The following DCAF4 variants were observed in gnomAD, a reference collection of about 807,000 sequenced individuals.
The protein encoded by DCAF4 is DDB1 and CUL4 associated factor 4, also known as DDB1- and CUL4-associated factor 4.
A neutral mutation model predicts 60.9 loss-of-function variants in DCAF4; 37 were observed. The ratio of observed to expected loss-of-function variants is 0.61; its 90% CI spans 0.47 to 0.80. The LOEUF (loss-of-function observed/expected upper bound fraction) is 0.80. DCAF4 is among the 30% of genes least tolerant of loss of function. DCAF4 has a pLI of 0.00. For synonymous variants in DCAF4, 243 were observed against 254.8 expected (o/e 0.95, Z 0.44); for missense variants, 577 against 650.0 (o/e 0.89, Z 1.22).
At position 72,951,808 on chromosome 14, in the gene DCAF4, A is replaced by T. The variant is rs768864757; in HGVS notation, c.739A>T (p.Met247Leu). The T allele has an allele frequency of 1.5e-5, 24 of 1,613,986 alleles. No individual in the cohort carries two copies. Among genetic ancestry groups the T allele is most frequent in the Non-Finnish European group, 2.0e-5 (24 of 1,180,020 alleles). Residue 247 changes from methionine to leucine, a missense_variant, in exon 9 of 14, where the codon ATG becomes TTG. Coordinates refer to ENST00000358377, the MANE Select transcript of DCAF4 (RefSeq NM_015604.4). Reference sequence around the variant, plus strand: ...AACAGCTTTTTCCAGGCTATGCCTCATGGGACTCGCAGAGACTCCAGGCTG... The same window carrying T: ...AACAGCTTTTTCCAGGCTATGCCTCTTGGGACTCGCAGAGACTCCAGGCTG... ...HLDSHILLCL[M>L]GLAETPGCAT...
chr14:72,932,400 T>C (rs1888694921), intron 1 of DCAF4, among the ~76,000 whole-genome samples: 1 of 152,266 alleles, frequency 6.6e-6, no homozygotes, highest in South Asian at 2.1e-4. Context: ...ATCATTTTTG[T>C]AGGAGCAGTT....
chr14:72,956,231 C>T (rs1447369801), intron 12 of DCAF4, among the ~76,000 whole-genome samples, 155 bp from the exon 13 acceptor site: 2 of 151,996 alleles, frequency 1.3e-5, no homozygotes, highest in African/African-American at 4.8e-5. Flanking sequence ...TGGTTACATG[C>T]TTTTGATGAA....
intron 11 of DCAF4, 23 bp from the exon 12 acceptor site, chr14:72,955,500 C>T (rs1433985953): frequency 2.5e-6 from 4 of 1,608,780 alleles, no homozygotes; most frequent in African/African-American, 2.7e-5. Context: ...TAGCCAGGCA[C>T]TGAGCAGTCC....
In DCAF4 at chr14:72,940,393, C is replaced by T; in HGVS notation, c.351+16C>T. The T allele has an allele frequency of 6.2e-7, 1 of 1,600,736 alleles. No individual in the cohort carries two copies. The highest frequency in any genetic ancestry group is 8.5e-7 in the Non-Finnish European group (1 of 1,176,094). ...ACGGAAAAAGGTGGGCTCCTCACCC[C>T]TTCGCCCCCTGTCCTCTCCGCTCCT... On this transcript the variant is annotated intron_variant, in intron 4 of 13. Coordinates refer to ENST00000358377, the MANE Select transcript of DCAF4 (RefSeq NM_015604.4).
intron 13 of DCAF4, chr14:72,958,219 G>T: frequency 3.8e-6 from 1 of 263,900 alleles, no homozygotes; most frequent in Non-Finnish European, 7.3e-6. Flanking sequence ...GCTGCAGTGA[G>T]CCCTGATCAC....
intron 8 of DCAF4, among the ~76,000 whole-genome samples, chr14:72,949,536 C>T (rs1304833948): frequency 2.0e-5 from 3 of 152,134 alleles, no homozygotes; most frequent in Non-Finnish European, 4.4e-5. Context: ...AGGCGGATCA[C>T]TTGAGGTCAG....
chr14:72,953,960 G>A (rs1422210134), intron 9 of DCAF4, among the ~76,000 whole-genome samples: 2 of 151,370 alleles, frequency 1.3e-5, no homozygotes, highest in African/African-American at 4.9e-5. Flanking sequence ...TACTGGGAAC[G>A]TTAACAAAGA....
chr14:72,955,527 C>A lies in DCAF4; in HGVS notation c.1010C>A (p.Pro337His), dbSNP rs866217761. Reference protein sequence around the residue: ...VLAQQFALMAPLLFNGCRSGE... With the variant: ...VLAQQFALMAHLLFNGCRSGE... The stretch of plus-strand genomic sequence containing the variant: ...GAGCAGTCCCTCTTTCCACAGGCTC[C>A]TCTGCTGTTTAATGGCTGCCGCTCT... Residue 337 changes from proline (P) to histidine (H), a missense_variant, in exon 12 of 14, where the codon CCT becomes CAT. By Grantham distance (77) the Pro-to-His change is moderately conservative (BLOSUM62 -2). Transcript: ENST00000358377. 1 of 1,613,712 alleles carries A rather than the reference C, an allele frequency of 6.2e-7. No homozygotes were observed.
At chr14:72,940,072 G>A in intron 3 of DCAF4, 148 bp from the exon 4 acceptor site, 1 of 1,245,858 alleles carries the variant, frequency 8.0e-7, no homozygotes, top group South Asian at 1.3e-5. Context: ...ACTGAGCACA[G>A]TCCAGGATGT....
chr14:72,957,252 T>TA (rs1197909367), intron 13 of DCAF4: 4 of 152,326 alleles, frequency 2.6e-5, no homozygotes, highest in African/African-American at 9.6e-5. Flanking sequence ...GCCCCTTTAC[T>TA]ACCATCCCTG....
intron 1 of DCAF4, among the ~76,000 whole-genome samples, chr14:72,931,263 C>CTTTTTTTTTTTTTTTTTTTTTTTTTTT (rs370127536): frequency 7.9e-6 from 1 of 126,800 alleles, no homozygotes; most frequent in Non-Finnish European, 1.6e-5. Context: ...TACTTTTTCT[C>CTTTTTTTTTTTTTTTTTTTTTTTTTTT]TTTTTTTTTT....
intron 6 of DCAF4, among the ~76,000 whole-genome samples, chr14:72,945,110 G>A (rs1416924454): frequency 2.6e-5 from 4 of 151,646 alleles, no homozygotes; most frequent in African/African-American, 9.7e-5. Flanking sequence ...CCCACATCCT[G>A]AGCGAGGCAT....
chr14:72,935,507 G>A (rs1349102207), intron 1 of DCAF4, among the ~76,000 whole-genome samples: 13 of 152,160 alleles, frequency 8.5e-5, no homozygotes, highest in African/African-American at 2.7e-4. Flanking sequence ...CACCCGCATC[G>A]GCCTCCCAAA....
chr14:72,958,518 G>A (rs1174679023), intron 13 of DCAF4, 94 bp from the exon 14 acceptor site: 2 of 1,445,798 alleles, frequency 1.4e-6, no homozygotes, highest in East Asian at 4.6e-5. Flanking sequence ...TGAAATCACA[G>A]CCCTGAGGAA....
chr14:72,936,708 A>AG lies in DCAF4; in HGVS notation c.-8-1262dup, dbSNP rs544827442. Among the ~76,000 whole-genome samples the AG allele has an allele frequency of 6.6e-5, 10 of 152,296 alleles. No individual in the cohort carries two copies. The South Asian group carries it at 2.1e-3, about 32-fold the overall frequency. On this transcript the variant is annotated intron_variant, in intron 1 of 13. Transcript: ENST00000358377. ...ACTTTTGAACCTGTTGGGTCTGTGGAGATAGACACGAAGCAGCATAGGAAC... is the reference window on the plus strand; with the variant it reads ...ACTTTTGAACCTGTTGGGTCTGTGGAGGATAGACACGAAGCAGCATAGGAAC...
At chr14:72,958,112 CA>C (rs1220489760) in intron 13 of DCAF4, 4,405 of 149,886 alleles carry the variant, frequency 0.029, 32 homozygotes, top group Admixed American at 0.076. Context: ...GACCCTATCT[CA>C]AAAAAAAAAA....
chr14:72,949,868 C>T (rs72734407), intron 8 of DCAF4, among the ~76,000 whole-genome samples: 28 of 152,318 alleles, frequency 1.8e-4, no homozygotes, highest in African/African-American at 6.7e-4. Flanking sequence ...TCAGACAACA[C>T]CTATCGAGTA....
chr14:72,947,051 A>AAG lies in DCAF4; in HGVS notation c.679-90_679-89dup, dbSNP rs1348973657. ...GAAGAGGAGCAGGACGTGAAGAGAG[A>AAG]AGTCACACGTCTGTGTCCCCACATG... On this transcript the variant is annotated intron_variant, in intron 7 of 13. Transcript: ENST00000358377. 2.9e-5 allele frequency: 43 copies of AAG among 1,505,740 alleles called. No homozygotes were observed. In the Middle Eastern group the frequency reaches 7.0e-4, roughly 24 times the overall value. The allele number at this position is 1,505,740 out of a possible 1,614,324, so 93.3% of individuals were successfully genotyped here. A position where few individuals can be genotyped will look rare whatever the true frequency, so the allele number is the denominator to read the frequency against.
Position 72,929,718 on chromosome 14 carries a change from T to G in DCAF4, c.-9+3175T>G. 2.5e-6 allele frequency: 3 copies of G among 1,215,920 alleles called. No homozygotes were observed. In the Admixed American group the frequency reaches 5.1e-5, roughly 21 times the overall value. The allele number at this position is 1,215,920 out of a possible 1,614,324, so 75.3% of individuals were successfully genotyped here. On this transcript the variant is annotated intron_variant, in intron 1 of 13. Transcript: ENST00000358377. The stretch of plus-strand genomic sequence containing the variant: ...CGTCCCCACCCTTTTCTTGATGAAC[T>G]TGAGGGCCCATTTCTCCTTGAAGAC...
Sources: allele counts gnomAD v4.1 joint callset (sites outside exome capture counted in the v4.1 genomes callset), GRCh38; gene constraint gnomAD v4.1.1; transcripts MANE v1.5; gene names NCBI Gene and HGNC (gene_info 2026-07-23, HGNC 2026-07-21).